Variants in CLEC4A observed in about 807,000 individuals in gnomAD.
CLEC4A encodes the protein C-type (calcium dependent, carbohydrate-recognition domain) lectin, superfamily member 6.
Under a neutral mutation model 32.7 loss-of-function variants are expected in CLEC4A, and 27 were observed. The ratio of observed to expected loss-of-function variants is 0.83; its 90% CI spans 0.61 to 1.14. The LOEUF is 1.14. Among genes scored for constraint, CLEC4A ranks in the 50% most tolerant of loss-of-function variants. CLEC4A has a pLI of 0.00. For synonymous variants in CLEC4A, 89 were observed against 93.7 expected (o/e 0.95, Z 0.29); for missense variants, 253 against 274.6 (o/e 0.92, Z 0.55).
At chr12:8,116,434 T>C in the CLEC4A span, among the ~76,000 whole-genome samples, 4 of 152,278 alleles carry the variant, frequency 2.6e-5, no homozygotes, top group East Asian at 5.8e-4. Context: ...CCGAGTACTG[T>C]ATTGACTTGC....
chr12:8,117,167 C>T, the CLEC4A span, among the ~76,000 whole-genome samples: 2 of 151,862 alleles, frequency 1.3e-5, no homozygotes, highest in African/African-American at 4.8e-5. Flanking sequence ...TATCCAGTGC[C>T]ATAAGAAGCA....
At position 8,136,593 on chromosome 12, in the gene CLEC4A, G is replaced by A. The variant is rs182102011; in HGVS notation, c.451-195G>A. Among the ~76,000 whole-genome samples the A allele has an allele frequency of 8.6e-5, 13 of 150,340 alleles. No homozygotes were observed. In the South Asian group the frequency reaches 1.9e-3, roughly 22 times the overall value. On this transcript the variant is annotated intron_variant, in intron 4 of 5. Coordinates refer to ENST00000229332, the MANE Select transcript of CLEC4A (RefSeq NM_016184.4). ...AAAAAAAAAAAAAAAAATTCCTTCC[G>A]TATGTACTGAACATCATGCTTACAA...
intron 3 of CLEC4A, among the ~76,000 whole-genome samples, chr12:8,133,062 G>A (rs1160257374): frequency 6.6e-6 from 1 of 152,064 alleles, no homozygotes; most frequent in Non-Finnish European, 1.5e-5. Context: ...TTACAGGTGT[G>A]CGCCACCATG....
upstream of CLEC4A, chr12:8,121,804 G>A (rs1323554934): frequency 2.0e-5 from 3 of 153,500 alleles, no homozygotes; most frequent in African/African-American, 7.2e-5. Context: ...CAAGCAGGGT[G>A]AGGAGGGCAT....
At chr12:8,122,158 A>G (rs1947836690), upstream of CLEC4A, among the ~76,000 whole-genome samples, 1 of 151,998 alleles carries the variant, frequency 6.6e-6, no homozygotes, top group Non-Finnish European at 1.5e-5. Flanking sequence ...CCCAAGCAGG[A>G]TGAAGAAAGC....
chr12:8,130,445 T>A (rs1947978900), intron 3 of CLEC4A, among the ~76,000 whole-genome samples: 1 of 152,238 alleles, frequency 6.6e-6, no homozygotes, highest in Admixed American at 6.5e-5. Flanking sequence ...TGACCACAGC[T>A]CACAGTAGCC....
At chr12:8,114,260 T>C in the CLEC4A span, among the ~76,000 whole-genome samples, 1 of 152,190 alleles carries the variant, frequency 6.6e-6, no homozygotes, top group African/African-American at 2.4e-5. Context: ...CTTTTTTTTT[T>C]CTGAGATGGA....
chr12:8,123,501 A>G (rs1356893878), upstream of CLEC4A: 1 of 170,328 alleles, frequency 5.9e-6, no homozygotes, highest in East Asian at 1.7e-4. Flanking sequence ...CAGAAATTGT[A>G]TTTTTTACTG....
intron 3 of CLEC4A, chr12:8,134,863 G>A (rs1391628516): frequency 5.2e-6 from 8 of 1,529,340 alleles, no homozygotes; most frequent in Admixed American, 2.1e-5. Context: ...GGGAAGGAAG[G>A]CGCCCCAAGC....
chr12:8,134,998 TCATGGCTGCTTTTAAATC>T (rs1948082455), intron 3 of CLEC4A: 1 of 382,376 alleles, frequency 2.6e-6, no homozygotes, highest in Non-Finnish European at 4.2e-6. Flanking sequence ...TTTTTTTTAA[TCATGGCTGCTTTTAAATC>T]TTTGTCAGAT....
At chr12:8,117,243 T>G in the CLEC4A span, among the ~76,000 whole-genome samples, 1 of 141,514 alleles carries the variant, frequency 7.1e-6, no homozygotes, top group Admixed American at 7.1e-5. Flanking sequence ...TTTTTTTTTT[T>G]GTTTTTGTTT....
In CLEC4A at chr12:8,125,809, A is replaced by G. The variant is rs956235593; in HGVS notation, c.199+132A>G. On this transcript the variant is annotated intron_variant, in intron 2 of 5. Coordinates refer to ENST00000229332, the MANE Select transcript of CLEC4A (RefSeq NM_016184.4). ...AATTTTCTCTGGGGAGACATAATTCATGGGAATCCACTGTGAATTTTGCTC... is the reference window on the plus strand; with the variant it reads ...AATTTTCTCTGGGGAGACATAATTCGTGGGAATCCACTGTGAATTTTGCTC... 13 of 632,156 alleles carry G rather than the reference A, an allele frequency of 2.1e-5. No homozygotes were observed. The African/African-American group carries it at 2.2e-4, about 11-fold the overall frequency. The allele number at this position is 632,156 out of a possible 1,614,324, so 39.2% of individuals were successfully genotyped here. A position where few individuals can be genotyped will look rare whatever the true frequency, so the allele number is the denominator to read the frequency against.
chr12:8,120,796 G>T (rs183542787), upstream of CLEC4A: 3 of 152,316 alleles, frequency 2.0e-5, no homozygotes, highest in Non-Finnish European at 4.4e-5. Flanking sequence ...TAAGGGGATA[G>T]ATTCTATTAT....
the CLEC4A span, among the ~76,000 whole-genome samples, chr12:8,117,052 CAAT>C: frequency 3.3e-5 from 5 of 152,094 alleles, no homozygotes; most frequent in Non-Finnish European, 7.4e-5. Context: ...CAGCTACAAG[CAAT>C]AAAGAATTCT....
intron 1 of CLEC4A, 139 bp downstream of exon 1, chr12:8,124,099 G>T: frequency 1.5e-6 from 1 of 648,954 alleles, no homozygotes; most frequent in Non-Finnish European, 2.8e-6. Context: ...CCAGAAGATT[G>T]AGTGGCCTGC....
chr12:8,111,188 T>TA, the CLEC4A span, among the ~76,000 whole-genome samples: 1 of 144,652 alleles, frequency 6.9e-6, no homozygotes, highest in Non-Finnish European at 1.5e-5. Flanking sequence ...CTTTTTTTTT[T>TA]TTTTTTTTTT....
intron 3 of CLEC4A, chr12:8,134,974 T>TTTTTTTTTTTTG: frequency 5.0e-6 from 1 of 199,918 alleles, no homozygotes. Context: ...TGTTGAAGCG[T>TTTTTTTTTTTTG]TTTTGTTTTT....
At chr12:8,135,526 C>T in intron 3 of CLEC4A, 59 bp from the exon 4 acceptor site, 1 of 1,549,320 alleles carries the variant, frequency 6.5e-7, no homozygotes, top group East Asian at 2.3e-5. Context: ...TTTAATAATA[C>T]ACACACTTTT....
chr12:8,109,117 G>T, the CLEC4A span, among the ~76,000 whole-genome samples: 1 of 152,058 alleles, frequency 6.6e-6, no homozygotes, highest in Non-Finnish European at 1.5e-5. Flanking sequence ...AAGATAGGAC[G>T]AGAACAGGGG....
Sources: gnomAD v4.1 joint callset for allele counts (sites outside exome capture counted in the v4.1 genomes callset) on GRCh38, gnomAD v4.1.1 for gene constraint, MANE v1.5 for transcripts, NCBI Gene and HGNC (gene_info 2026-07-23, HGNC 2026-07-21) for gene names.